Variants in RANBP3L observed in about 807,000 individuals in gnomAD.
The protein encoded by RANBP3L is RAN binding protein 3 like.
A neutral mutation model predicts 67.2 loss-of-function variants in RANBP3L; 56 were observed. That is an observed-to-expected ratio of 0.83 (90% CI 0.67 to 1.04). The LOEUF (loss-of-function observed/expected upper bound fraction) is 1.04. RANBP3L is among the 50% of genes least tolerant of loss of function. RANBP3L has a pLI of 0.00. For synonymous variants in RANBP3L, 164 were observed against 181.4 expected (o/e 0.90, Z 0.77); for missense variants, 496 against 535.5 (o/e 0.93, Z 0.73).
intron 8 of RANBP3L, among the ~76,000 whole-genome samples, chr5:36,258,223 G>C (rs1749133849): frequency 1.3e-5 from 2 of 152,110 alleles, no homozygotes; most frequent in African/African-American, 4.8e-5. Flanking sequence ...TTGTAATCAA[G>C]GCCTGCACAA....
At chr5:36,252,319 G>T (rs1748651545) in intron 12 of RANBP3L, among the ~76,000 whole-genome samples, 1 of 151,960 alleles carries the variant, frequency 6.6e-6, no homozygotes, top group African/African-American at 2.4e-5. Context: ...TAATAGAATA[G>T]AATTATTTCA....
intron 2 of RANBP3L, among the ~76,000 whole-genome samples, chr5:36,270,622 C>A (rs968036898): frequency 1.2e-4 from 19 of 152,254 alleles, no homozygotes; most frequent in Admixed American, 7.8e-4. Context: ...TCCCAAGTAG[C>A]TGGGACTGAC....
At chr5:36,278,219 C>G (rs1238932591) in intron 1 of RANBP3L, among the ~76,000 whole-genome samples, 1 of 152,154 alleles carries the variant, frequency 6.6e-6, no homozygotes, top group Non-Finnish European at 1.5e-5. Context: ...ATGCTTACCC[C>G]TAGCTTGCTT....
At chr5:36,277,436 ATATATGTGTGTG>A (rs1405607390) in intron 1 of RANBP3L, among the ~76,000 whole-genome samples, 1 of 93,488 alleles carries the variant, frequency 1.1e-5, no homozygotes, top group African/African-American at 4.1e-5. Flanking sequence ...ATATATATAT[ATATATGTGTGTG>A]TGTGTGTGTG....
intron 1 of RANBP3L, 70 bp downstream of exon 1, chr5:36,301,256 A>T: frequency 8.5e-7 from 1 of 1,178,198 alleles, no homozygotes; most frequent in Non-Finnish European, 1.3e-6. Context: ...TCACCAGCCC[A>T]CCATTCTTCC....
At chr5:36,265,419 T>C in intron 5 of RANBP3L, 30 bp downstream of exon 5, 1 of 1,410,536 alleles carries the variant, frequency 7.1e-7, no homozygotes, top group South Asian at 1.2e-5. Flanking sequence ...ATATACAATT[T>C]CTGAGGTTCT....
chr5:36,249,728 A>G lies in RANBP3L; in HGVS notation c.1355-31T>C, dbSNP rs765112782. The G allele has an allele frequency of 1.6e-5, 20 of 1,263,622 alleles. No homozygotes were observed. In the Admixed American group the frequency reaches 3.2e-4, roughly 20 times the overall value. 78.3% of individuals were successfully genotyped at this position (1,263,622 alleles called of 1,614,324 possible). On this transcript the variant is annotated intron_variant, in intron 13 of 13. Coordinates refer to ENST00000296604, the MANE Select transcript of RANBP3L (RefSeq NM_145000.5). ...ATATAAATTTAAAATGTTTTATTAT[A>G]CAATATTATATTTAGGGTAGATTTT...
At chr5:36,264,807 C>G (rs954163036) in intron 6 of RANBP3L, 152 bp downstream of exon 6, 56 of 673,710 alleles carry the variant, frequency 8.3e-5, no homozygotes, top group Admixed American at 7.6e-5. Context: ...CAGAGTACAA[C>G]TTTGAAAAGT....
chr5:36,265,878 G>A (rs1186809592), intron 4 of RANBP3L, among the ~76,000 whole-genome samples: 1 of 150,930 alleles, frequency 6.6e-6, no homozygotes, highest in Non-Finnish European at 1.5e-5. Flanking sequence ...TCGGGAGGCT[G>A]AGGAAGGAGA....
chr5:36,255,678 C>CA, intron 10 of RANBP3L, 88 bp from the exon 11 acceptor site: 4 of 772,978 alleles, frequency 5.2e-6, no homozygotes, highest in African/African-American at 1.8e-5. Context: ...TTATATGTGT[C>CA]TAGTCTTTTA....
At chr5:36,286,994 G>C (rs1421923661) in intron 1 of RANBP3L, among the ~76,000 whole-genome samples, 4 of 152,042 alleles carry the variant, frequency 2.6e-5, no homozygotes, top group African/African-American at 9.7e-5. Context: ...ACACCATTGA[G>C]CCCCAACCTT....
intron 6 of RANBP3L, among the ~76,000 whole-genome samples, chr5:36,262,705 G>A (rs955869167): frequency 6.6e-6 from 1 of 151,920 alleles, no homozygotes; most frequent in African/African-American, 2.4e-5. Context: ...AAAGCCAGAT[G>A]GGTTATGTTT....
intron 1 of RANBP3L, among the ~76,000 whole-genome samples, chr5:36,294,899 A>T (rs1351424064): frequency 6.7e-5 from 10 of 148,442 alleles, no homozygotes; most frequent in African/African-American, 2.5e-4. Flanking sequence ...ATATACATAT[A>T]TGTGTGTATA....
chr5:36,280,754 A>G (rs1355281802), intron 1 of RANBP3L, among the ~76,000 whole-genome samples: 1 of 152,244 alleles, frequency 6.6e-6, no homozygotes, highest in East Asian at 1.9e-4. Context: ...TTTTTCAATG[A>G]CTATCACAGC....
chr5:36,295,021 C>T (rs1170100859), intron 1 of RANBP3L, among the ~76,000 whole-genome samples: 1 of 150,980 alleles, frequency 6.6e-6, no homozygotes, highest in Non-Finnish European at 1.5e-5. Context: ...TTGATCCATT[C>T]GTTTGTCAGT....
chr5:36,268,314 G>A (rs1749955617), intron 4 of RANBP3L: 3 of 1,365,540 alleles, frequency 2.2e-6, no homozygotes, highest in African/African-American at 1.5e-5. Context: ...TGGGTTTTTT[G>A]TTTTGTTTTC....
intron 4 of RANBP3L, among the ~76,000 whole-genome samples, chr5:36,267,528 A>AAGAAAGAT (rs1362624637): frequency 6.6e-6 from 1 of 151,956 alleles, no homozygotes; most frequent in Non-Finnish European, 1.5e-5. Flanking sequence ...AAAAGAAAGA[A>AAGAAAGAT]AGAAAGAAAA....
chr5:36,270,907 G>GT (rs1294600588), intron 2 of RANBP3L, among the ~76,000 whole-genome samples: 4 of 152,244 alleles, frequency 2.6e-5, no homozygotes, highest in Middle Eastern at 6.8e-3. Context: ...TTTAGAATGT[G>GT]TTTTTTTACC....
At chr5:36,265,588 T>A in intron 4 of RANBP3L, 68 bp from the exon 5 acceptor site, 1 of 910,882 alleles carries the variant, frequency 1.1e-6, no homozygotes, top group Non-Finnish European at 1.7e-6. Context: ...ATTTGGGGCT[T>A]AACAATCCCA....
Sources: allele counts gnomAD v4.1 joint callset (sites outside exome capture counted in the v4.1 genomes callset), GRCh38; gene constraint gnomAD v4.1.1; transcripts MANE v1.5; gene names NCBI Gene and HGNC (gene_info 2026-07-23, HGNC 2026-07-21).